The following SLC22A2 variants were observed in gnomAD, a reference collection of about 807,000 sequenced individuals.
SLC22A2 encodes the protein solute carrier family 22 member 2.
A neutral mutation model predicts 60.5 loss-of-function variants in SLC22A2; 46 were observed. That is an observed-to-expected ratio of 0.76 (90% confidence interval 0.60 to 0.97). The LOEUF (loss-of-function observed/expected upper bound fraction) is 0.97. Ranked by LOEUF, SLC22A2 falls within the 50% of genes least tolerant of loss-of-function variation. The probability of loss-of-function intolerance (pLI) is 0.00; values close to 1 mark genes in which losing one functional copy is unlikely to be tolerated. For missense variants in SLC22A2, 701 were observed against 706.6 expected, an observed-to-expected ratio of 0.99 and a Z score of 0.09; for synonymous variants, 303 against 267.0, an observed-to-expected ratio of 1.13 and a Z score of -1.31.
chr6:160,232,298 T>G (rs1039003335), intron 9 of SLC22A2, among the ~76,000 whole-genome samples: 1 of 151,868 alleles, frequency 6.6e-6, no homozygotes, highest in Non-Finnish European at 1.5e-5. Flanking sequence ...ACACTTGGTT[T>G]ATCAATGGCA....
rs769605310 is a variant in SLC22A2 at position 160,217,474 on chromosome 6, C to A, written c.1626G>T (p.Met542Ile). 2.5e-6 allele frequency: 4 copies of A among 1,598,232 alleles called. No individual in the cohort carries two copies. The highest frequency in any genetic ancestry group is 1.3e-5 in the African/African-American group (1 of 74,646). Reference sequence around the variant, plus strand: ...CTAGTTTCTGAACTTGGAGGTAAATCATCTTTTCTTTATTTTTTCTTGGTC... The same window carrying A: ...CTAGTTTCTGAACTTGGAGGTAAATAATCTTTTCTTTATTTTTTCTTGGTC... ...MQRPRKNKEKMIYLQVQKLDI... is the reference protein window; with the variant it reads ...MQRPRKNKEKIIYLQVQKLDI... The change falls in exon 11 of 11, where the codon ATG becomes ATT. Residue 542 changes from methionine (M) to isoleucine (I), a missense_variant. By Grantham distance (10) the Met-to-Ile change is conservative. Coordinates refer to ENST00000366953, the MANE Select transcript of SLC22A2 (RefSeq NM_003058.4).
intron 9 of SLC22A2, among the ~76,000 whole-genome samples, chr6:160,228,317 C>T (rs1476289932): frequency 2.6e-5 from 4 of 152,132 alleles, no homozygotes; most frequent in Non-Finnish European, 4.4e-5. Context: ...TAAGTGCTGG[C>T]GTACCCAGGT....
At chr6:160,218,934 T>TCAGCAAC (rs1782592251) in intron 10 of SLC22A2, among the ~76,000 whole-genome samples, 1 of 1,236 alleles carries the variant, frequency 8.1e-4, no homozygotes, top group African/African-American at 3.1e-3. Context: ...GCAACAGAAG[T>TCAGCAAC]AGCAGTAGTA....
rs116194173 is a variant in SLC22A2, at chr6:160,227,797, T to C, written c.1502-2993A>G. On this transcript the variant is annotated intron_variant, in intron 9 of 10. Coordinates refer to ENST00000366953, the MANE Select transcript of SLC22A2 (RefSeq NM_003058.4). Reference sequence around the variant, plus strand: ...GATGAGATAGGAGGTCAGCACAAGATACAGCTCATAAAGACCTTGCTGGTC... The same window carrying C: ...GATGAGATAGGAGGTCAGCACAAGACACAGCTCATAAAGACCTTGCTGGTC... 4.5e-4 allele frequency among the ~76,000 whole-genome samples: 68 copies of C among 152,298 alleles called. 1 individual carries two copies. Among genetic ancestry groups the C allele is most frequent in the African/African-American group, 1.6e-3 (66 of 41,564 alleles).
chr6:160,228,405 C>A (rs1052929863), intron 9 of SLC22A2, among the ~76,000 whole-genome samples: 6 of 152,134 alleles, frequency 3.9e-5, no homozygotes, highest in African/African-American at 1.4e-4. Flanking sequence ...AAAAGTCCCT[C>A]TTAATAAAAG....
At position 160,258,597 on chromosome 6, in the gene SLC22A2, G is replaced by A; in HGVS notation, c.161C>T (p.Pro54Leu). The stretch of plus-strand genomic sequence containing the variant: ...GCGCAGACTCAGCTCGGCCACTCCG[G>A]GGCTCCGGCAGCGGTGGTCAGGGGT... ...GFTPDHRCRS[P>L]GVAELSLRCG... Residue 54 changes from proline (P) to leucine (L), a missense_variant, in exon 1 of 11, where the codon CCC becomes CTC. Pro to Leu is a moderately conservative substitution (Grantham distance 98). Coordinates refer to ENST00000366953, the MANE Select transcript of SLC22A2 (RefSeq NM_003058.4). 1 of 1,613,986 alleles carries A rather than the reference G, an allele frequency of 6.2e-7. No individual in the cohort carries two copies. Among genetic ancestry groups the A allele is most frequent in the South Asian group, 1.1e-5 (1 of 91,068 alleles).
chr6:160,247,043 T>C, intron 5 of SLC22A2, 141 bp downstream of exon 5: 1 of 584,606 alleles, frequency 1.7e-6, no homozygotes. Context: ...AAATTCTCTG[T>C]TGCATTCCGC....
chr6:160,243,582 A>G lies in SLC22A2; in HGVS notation c.1269T>C (p.Phe423=). 1 of 1,613,480 alleles carries G rather than the reference A, an allele frequency of 6.2e-7. No homozygotes were observed. Among genetic ancestry groups the G allele is most frequent in the Non-Finnish European group, 8.5e-7 (1 of 1,179,412 alleles). ...TCACCTGAAACTTACCACCAGGTAT[A>G]AAAACTGAGGCCAGACAGGCTGCCC... is the stretch of plus-strand genomic sequence containing the variant. ...VAGAACLASV[F]IPGDLQWLKI... The change falls in exon 7 of 11, where the codon TTT becomes TTC. Residue 423 remains phenylalanine, a synonymous_variant. Transcript: ENST00000366953.
At chr6:160,220,899 C>T (rs1490071930) in intron 10 of SLC22A2, among the ~76,000 whole-genome samples, 1 of 152,156 alleles carries the variant, frequency 6.6e-6, no homozygotes, top group African/African-American at 2.4e-5. Context: ...ATTCCATGAG[C>T]ACAAGCAGAG....
intron 2 of SLC22A2, among the ~76,000 whole-genome samples, chr6:160,252,887 TC>T (rs1264739567): frequency 3.3e-5 from 5 of 152,226 alleles, no homozygotes; most frequent in African/African-American, 1.2e-4. Flanking sequence ...GCTCTCGTGA[TC>T]CTAAATGAAA....
At chr6:160,236,914 A>G (rs1027901283) in intron 9 of SLC22A2, among the ~76,000 whole-genome samples, 1 of 152,244 alleles carries the variant, frequency 6.6e-6, no homozygotes, top group African/African-American at 2.4e-5. Flanking sequence ...AAGTTTTGTC[A>G]AAGCCAATTT....
intron 9 of SLC22A2, among the ~76,000 whole-genome samples, chr6:160,230,746 C>T (rs1782808456): frequency 6.6e-6 from 1 of 151,964 alleles, no homozygotes; most frequent in South Asian, 2.1e-4. Flanking sequence ...TCCAGAACCT[C>T]CTCCCCCAGG....
chr6:160,258,703 G>A lies in SLC22A2; in HGVS notation c.55C>T (p.Gln19Ter). 2 of 1,600,042 alleles carry A rather than the reference G, an allele frequency of 1.2e-6. No homozygotes were observed. The highest frequency in any genetic ancestry group is 1.7e-6 in the Non-Finnish European group (2 of 1,172,686). The change falls in exon 1 of 11, where the codon CAG (glutamine) becomes TAG (stop). Residue 19 changes from glutamine (Q) to a stop codon, truncating the protein, a stop_gained. Coordinates refer to ENST00000366953, the MANE Select transcript of SLC22A2 (RefSeq NM_003058.4). LOFTEE classifies it high-confidence loss of function. ...LEHGGEFHFF[Q>*]KQMFFLLALL... Reference sequence around the variant, plus strand: ...GCCAAGAGGAAAAACATTTGCTTCTGGAAAAAGTGAAACTCCCCTCCATGC... The same window carrying A: ...GCCAAGAGGAAAAACATTTGCTTCTAGAAAAAGTGAAACTCCCCTCCATGC...
chr6:160,225,844 G>A (rs972373607), intron 9 of SLC22A2, among the ~76,000 whole-genome samples: 9 of 152,226 alleles, frequency 5.9e-5, no homozygotes, highest in Admixed American at 1.3e-4. Context: ...TAACTTAATC[G>A]ACTTCATCTT....
intron 6 of SLC22A2, 194 bp downstream of exon 6, chr6:160,245,245 T>C (rs1783070654): frequency 2.4e-6 from 1 of 417,516 alleles, no homozygotes; most frequent in Non-Finnish European, 4.3e-6. Context: ...CCTTGATCTG[T>C]GCTTAGGGGC....
At chr6:160,231,412 T>G (rs967746369) in intron 9 of SLC22A2, among the ~76,000 whole-genome samples, 23 of 151,810 alleles carry the variant, frequency 1.5e-4, no homozygotes, top group South Asian at 1.0e-3. Context: ...CTCTACTCCC[T>G]CCCTGGCAAC....
intron 2 of SLC22A2, among the ~76,000 whole-genome samples, chr6:160,252,533 C>G (rs1219521404): frequency 6.6e-6 from 1 of 152,162 alleles, no homozygotes; most frequent in East Asian, 1.9e-4. Flanking sequence ...TCCTCCTACC[C>G]CTCAGCAGGG....
chr6:160,243,671 T>A lies in SLC22A2; in HGVS notation c.1180A>T (p.Ile394Phe), dbSNP rs1364039571. The change falls in exon 7 of 11, where the codon ATC becomes TTC. Residue 394 changes from isoleucine (I) to phenylalanine (F), a missense_variant. Physicochemically the swap from Ile to Phe is conservative, Grantham distance 21. Transcript: ENST00000366953. ...ALVEFPAAFM[I>F]ILTIDRIGRR... ...CCGATGCGGTCGATGGTGAGGATGA[T>A]CATGAAGGCAGCTGGGAATTCAACC... 6.2e-7 allele frequency: 1 copy of A among 1,613,800 alleles called. No homozygotes were observed. The highest frequency in any genetic ancestry group is 1.3e-5 in the African/African-American group (1 of 74,858).
chr6:160,217,524 G>T (rs1309258842), intron 10 of SLC22A2, 26 bp from the exon 11 acceptor site: 2 of 1,328,138 alleles, frequency 1.5e-6, no homozygotes, highest in Non-Finnish European at 1.1e-6. Flanking sequence ...AAAATGGAGA[G>T]GGGAGAAAGA....
Sources: allele counts gnomAD v4.1 joint callset (sites outside exome capture counted in the v4.1 genomes callset), GRCh38; gene constraint gnomAD v4.1.1; transcripts MANE v1.5; gene names NCBI Gene and HGNC (gene_info 2026-07-23, HGNC 2026-07-21).